The following LRRTM4 variants were observed in gnomAD, a reference collection of about 807,000 sequenced individuals.
LRRTM4 encodes the protein leucine rich repeat transmembrane neuronal 4.
In LRRTM4, 25 loss-of-function variants were observed where a neutral mutation model predicts 47.6. That is an observed-to-expected ratio of 0.53 (90% CI 0.38 to 0.73). The LOEUF (loss-of-function observed/expected upper bound fraction) is 0.73, where lower values mean the gene tolerates loss of function less well. Ranked by LOEUF, LRRTM4 falls within the 30% of genes least tolerant of loss-of-function variation. The pLI is 0.00. For synonymous variants in LRRTM4, 311 were observed against 269.5 expected, an observed-to-expected ratio of 1.15 and a Z score of -1.51; for missense variants, 638 against 713.4, an observed-to-expected ratio of 0.89 and a Z score of 1.20.
Position 76,876,549 on chromosome 2 carries a change from A to T in LRRTM4, c.1552-127633T>A, listed in dbSNP as rs146793753. On this transcript the variant is annotated intron_variant, in intron 3 of 3. Coordinates refer to ENST00000409884, the MANE Select transcript of LRRTM4 (RefSeq NM_001134745.3). ...GCTTTGTATTTGATACACAAAATTA[A>T]CATATGATGTCTACGAGTTTTCGTA... is the stretch of plus-strand genomic sequence containing the variant. Among the ~76,000 whole-genome samples the T allele has an allele frequency of 3.9e-3, 599 of 152,234 alleles. 3 individuals carry two copies. Among genetic ancestry groups the T allele is most frequent in the Non-Finnish European group, 5.4e-3 (369 of 67,938 alleles).
In LRRTM4 at chr2:76,809,699, C is replaced by T. The variant is rs139260702; in HGVS notation, c.1552-60783G>A. Among the ~76,000 whole-genome samples, 80 of 152,256 alleles carry T rather than the reference C, an allele frequency of 5.3e-4. 1 individual carries two copies. In the Middle Eastern group the frequency reaches 0.024, roughly 45 times the overall value. On this transcript the variant is annotated intron_variant, in intron 3 of 3. Coordinates refer to ENST00000409884, the MANE Select transcript of LRRTM4 (RefSeq NM_001134745.3). ...CATACCATCACCCTGAAAATAAAAA[C>T]CAAATACAAACCTTGGCCTACAAGA...
chr2:77,292,582 T>C (rs1434839738), intron 3 of LRRTM4, among the ~76,000 whole-genome samples: 1 of 151,230 alleles, frequency 6.6e-6, no homozygotes, highest in African/African-American at 2.4e-5. Flanking sequence ...TCATTCTCAG[T>C]AAACTATTGC....
At chr2:76,920,254 A>T (rs951404926) in intron 3 of LRRTM4, among the ~76,000 whole-genome samples, 1 of 152,132 alleles carries the variant, frequency 6.6e-6, no homozygotes, top group African/African-American at 2.4e-5. Flanking sequence ...AGAAATAAAA[A>T]TATTTTCACC....
At chr2:76,839,739 AAT>A (rs1671617217) in intron 3 of LRRTM4, among the ~76,000 whole-genome samples, 1 of 152,104 alleles carries the variant, frequency 6.6e-6, no homozygotes, top group Non-Finnish European at 1.5e-5. Flanking sequence ...CTTATCAAAT[AAT>A]AGTTTGTTTA....
intron 3 of LRRTM4, among the ~76,000 whole-genome samples, chr2:76,884,557 AT>A (rs1191532072): frequency 6.6e-6 from 1 of 152,172 alleles, no homozygotes; most frequent in Non-Finnish European, 1.5e-5. Context: ...AAGAAATAGA[AT>A]ATAGAATGTA....
At chr2:77,192,610 C>G (rs1673702004) in intron 3 of LRRTM4, among the ~76,000 whole-genome samples, 1 of 93,994 alleles carries the variant, frequency 1.1e-5, no homozygotes, top group Non-Finnish European at 2.7e-5. Context: ...TAAATCATTC[C>G]AAATAACTGT....
intron 3 of LRRTM4, among the ~76,000 whole-genome samples, chr2:77,356,017 C>T (rs1671953086): frequency 6.6e-6 from 1 of 152,104 alleles, no homozygotes; most frequent in Non-Finnish European, 1.5e-5. Flanking sequence ...CACTTGAGCC[C>T]AGGAAGGTAG....
At chr2:77,409,238 A>C (rs1315406059) in intron 3 of LRRTM4, among the ~76,000 whole-genome samples, 1 of 152,122 alleles carries the variant, frequency 6.6e-6, no homozygotes, top group Non-Finnish European at 1.5e-5. Flanking sequence ...TCTTTGTCTT[A>C]ATCCATCTGT....
intron 3 of LRRTM4, among the ~76,000 whole-genome samples, chr2:77,433,532 T>C (rs555359290): frequency 2.0e-4 from 30 of 152,176 alleles, no homozygotes; most frequent in Admixed American, 5.2e-4. Context: ...ACTATGCCTA[T>C]AAAGTTTGCT....
chr2:77,199,187 C>T (rs1254002111), intron 3 of LRRTM4, among the ~76,000 whole-genome samples: 1 of 152,136 alleles, frequency 6.6e-6, no homozygotes, highest in African/African-American at 2.4e-5. Flanking sequence ...AAAACACAGA[C>T]TTCAATCTTA....
chr2:76,943,744 TCTC>T (rs1432682935), intron 3 of LRRTM4, among the ~76,000 whole-genome samples: 1 of 152,214 alleles, frequency 6.6e-6, no homozygotes, highest in East Asian at 1.9e-4. Context: ...CAAATCTACT[TCTC>T]CTCTATTATG....
At chr2:77,311,984 A>C (rs1479592639) in intron 3 of LRRTM4, among the ~76,000 whole-genome samples, 6 of 152,154 alleles carry the variant, frequency 3.9e-5, no homozygotes, top group Admixed American at 3.9e-4. Flanking sequence ...AATAAATAGC[A>C]GACACAGTAT....
At chr2:76,798,193 C>G (rs900917489) in intron 3 of LRRTM4, among the ~76,000 whole-genome samples, 4 of 152,022 alleles carry the variant, frequency 2.6e-5, no homozygotes, top group Non-Finnish European at 4.4e-5. Flanking sequence ...TGACCACATA[C>G]TTGGAAGTAA....
At position 77,265,765 on chromosome 2, in the gene LRRTM4, T is replaced by C. The variant is rs1462901528; in HGVS notation, c.1551+252553A>G. 2.0e-5 allele frequency among the ~76,000 whole-genome samples: 3 copies of C among 152,226 alleles called. No individual in the cohort carries two copies. The South Asian group carries it at 6.2e-4, about 32-fold the overall frequency. ...TCAAATTGGAGGAAGTATATAAAAG[T>C]TTTACTATATTAAAAAGTTAGAATT... On this transcript the variant is annotated intron_variant, in intron 3 of 3. Transcript: ENST00000409884.
intron 3 of LRRTM4, among the ~76,000 whole-genome samples, chr2:77,344,023 AAAAT>A (rs1420901973): frequency 6.6e-6 from 1 of 151,894 alleles, no homozygotes. Flanking sequence ...GATCTGGAAA[AAAAT>A]AAATAGATCA....
At chr2:76,878,286 TTC>T (rs1672833006) in intron 3 of LRRTM4, among the ~76,000 whole-genome samples, 1 of 151,902 alleles carries the variant, frequency 6.6e-6, no homozygotes, top group Admixed American at 6.6e-5. Flanking sequence ...ACTCCTCTAT[TTC>T]TCTCTCTCTC....
intron 3 of LRRTM4, among the ~76,000 whole-genome samples, chr2:76,985,726 T>A (rs749869619): frequency 1.3e-5 from 2 of 152,038 alleles, no homozygotes; most frequent in African/African-American, 4.8e-5. Context: ...TAAAAACACA[T>A]TTATTTAAGC....
At chr2:77,476,429 A>C (rs1348512177) in intron 3 of LRRTM4, among the ~76,000 whole-genome samples, 2 of 152,158 alleles carry the variant, frequency 1.3e-5, no homozygotes, top group African/African-American at 4.8e-5. Flanking sequence ...CTGCAATGCA[A>C]CAAAAGCCAT....
intron 3 of LRRTM4, among the ~76,000 whole-genome samples, chr2:77,238,710 A>G (rs1314438384): frequency 6.6e-6 from 1 of 152,128 alleles, no homozygotes; most frequent in Non-Finnish European, 1.5e-5. Context: ...CCATCCAGAA[A>G]AACACATATA....
Sources: allele counts gnomAD v4.1 joint callset (sites outside exome capture counted in the v4.1 genomes callset), GRCh38; gene constraint gnomAD v4.1.1; transcripts MANE v1.5; gene names NCBI Gene and HGNC (gene_info 2026-07-23, HGNC 2026-07-21).